C2CD3: variants seen among roughly 807,000 people sequenced by gnomAD.
C2CD3 encodes C2 domain-containing protein 3.
Under a neutral mutation model 234.0 loss-of-function variants are expected in C2CD3, and 148 were observed. That is an observed-to-expected ratio of 0.63 (90% CI 0.55 to 0.72). The LOEUF is 0.72. Ranked by LOEUF, C2CD3 falls within the 30% of genes least tolerant of loss-of-function variation. The pLI, the probability that C2CD3 is intolerant of heterozygous loss-of-function variation, is 0.00. For synonymous variants in C2CD3, 1,000 were observed against 1,035.4 expected, an observed-to-expected ratio of 0.97 and a Z score of 0.66; for missense variants, 2,577 against 2,811.5, an observed-to-expected ratio of 0.92 and a Z score of 1.89.
intron 28 of C2CD3, among the ~76,000 whole-genome samples, chr11:74,046,165 C>T (rs909881869): frequency 6.7e-6 from 1 of 148,324 alleles, no homozygotes; most frequent in Admixed American, 6.6e-5. Flanking sequence ...TAAACCATTA[C>T]CATGAAATAA....
At chr11:74,042,579 C>G (rs927809550) in intron 28 of C2CD3, among the ~76,000 whole-genome samples, 1 of 151,956 alleles carries the variant, frequency 6.6e-6, no homozygotes, top group Non-Finnish European at 1.5e-5. Context: ...ATGGCGAAAC[C>G]CTGTCCCTAC....
At chr11:74,082,590 T>C (rs766768265) in intron 22 of C2CD3, among the ~76,000 whole-genome samples, 14 of 152,220 alleles carry the variant, frequency 9.2e-5, no homozygotes, top group Non-Finnish European at 1.5e-4. Context: ...ATTATGTTTA[T>C]TGATTTGCAT....
chr11:74,161,508 G>T lies in C2CD3; in HGVS notation c.374C>A (p.Pro125Gln). The T allele has an allele frequency of 1.3e-6, 2 of 1,592,624 alleles. No individual in the cohort carries two copies. Among genetic ancestry groups the T allele is most frequent in the Non-Finnish European group, 1.7e-6 (2 of 1,168,902 alleles). The change falls in exon 3 of 33, where the codon CCA becomes CAA. Residue 125 changes from proline to glutamine, a missense_variant. Transcript: ENST00000334126. ...TCCATTGATCTGAACTCTACCAATT[G>T]GAAGACCATCAAGTTTGGTGATTAC... ...LEVITKLDGL[P>Q]IGRVQINGLA...
intron 3 of C2CD3, among the ~76,000 whole-genome samples, chr11:74,159,000 G>A (rs1790408): frequency 0.04 from 6,048 of 152,186 alleles, 403 homozygotes; most frequent in African/African-American, 0.14. Flanking sequence ...CTCACTACTT[G>A]CTTTATAGTC....
intron 2 of C2CD3, 100 bp from the exon 3 acceptor site, chr11:74,161,656 GA>G (rs147282233): frequency 8.8e-5 from 57 of 650,022 alleles, no homozygotes; most frequent in South Asian, 1.9e-4. Context: ...TTTCTAACTT[GA>G]AAAAAAATAT....
chr11:74,065,243 AGT>A lies in C2CD3; in HGVS notation c.4952-7701_4952-7700del, dbSNP rs1954458645. ...AAAAAATCAAACAACCCCATCAAAA[AGT>A]GGGCAAAGGATATGAACAGACACTT... is the stretch of plus-strand genomic sequence containing the variant. On this transcript the variant is annotated intron_variant, in intron 24 of 32. Transcript: ENST00000334126. 2.0e-5 allele frequency among the ~76,000 whole-genome samples: 3 copies of A among 152,210 alleles called. No individual in the cohort carries two copies. In the South Asian group the frequency reaches 6.2e-4, roughly 31 times the overall value.
intron 11 of C2CD3, among the ~76,000 whole-genome samples, chr11:74,109,706 T>C (rs1956671049): frequency 6.6e-6 from 1 of 152,120 alleles, no homozygotes; most frequent in African/African-American, 2.4e-5. Flanking sequence ...GCTATAACTA[T>C]AAGTGTAAGT....
chr11:74,042,970 C>T (rs1407527847), intron 28 of C2CD3, among the ~76,000 whole-genome samples: 1 of 152,112 alleles, frequency 6.6e-6, no homozygotes, highest in Non-Finnish European at 1.5e-5. Flanking sequence ...ATCATGACTC[C>T]AACAATCTCT....
At chr11:74,151,024 C>T (rs1337604870) in intron 3 of C2CD3, among the ~76,000 whole-genome samples, 1 of 151,928 alleles carries the variant, frequency 6.6e-6, no homozygotes, top group East Asian at 1.9e-4. Flanking sequence ...CTCCTGGCTT[C>T]AAGCGATTCT....
chr11:74,160,640 C>T (rs114858673), intron 3 of C2CD3, among the ~76,000 whole-genome samples: 22 of 152,006 alleles, frequency 1.4e-4, no homozygotes, highest in Middle Eastern at 3.4e-3. Flanking sequence ...ACTATCGTAC[C>T]GTTAGGAGGA....
intron 32 of C2CD3, among the ~76,000 whole-genome samples, chr11:74,018,855 G>A (rs529298345): frequency 7.9e-5 from 12 of 152,224 alleles, no homozygotes; most frequent in African/African-American, 2.6e-4. Flanking sequence ...CACCCTCCAT[G>A]CCTAAATTAG....
At chr11:74,104,355 T>C (rs868687904) in intron 13 of C2CD3, among the ~76,000 whole-genome samples, 6 of 152,198 alleles carry the variant, frequency 3.9e-5, no homozygotes, top group Non-Finnish European at 8.8e-5. Flanking sequence ...GCAGATATAG[T>C]ATCAATGCTA....
chr11:74,019,053 T>G (rs1951983289), intron 32 of C2CD3, among the ~76,000 whole-genome samples: 3 of 151,952 alleles, frequency 2.0e-5, no homozygotes, highest in Admixed American at 2.0e-4. Context: ...TCCTCAACCC[T>G]TTTTTTTGTT....
At chr11:74,113,734 C>T (rs765139060) in intron 11 of C2CD3, 46 bp downstream of exon 11, 2 of 1,090,664 alleles carry the variant, frequency 1.8e-6, no homozygotes, top group South Asian at 1.2e-5. Flanking sequence ...AAAAATTCTT[C>T]CAAAGTCAGA....
intron 24 of C2CD3, among the ~76,000 whole-genome samples, chr11:74,072,315 G>A (rs1423516364): frequency 6.6e-6 from 1 of 152,216 alleles, no homozygotes; most frequent in African/African-American, 2.4e-5. Flanking sequence ...AGTAATGGCT[G>A]TTGGTAGTAT....
At chr11:74,042,766 C>T (rs912631363) in intron 28 of C2CD3, among the ~76,000 whole-genome samples, 1 of 150,230 alleles carries the variant, frequency 6.7e-6, no homozygotes, top group Non-Finnish European at 1.5e-5. Flanking sequence ...AAAAAAAAAG[C>T]CCCCCAAAAC....
intron 24 of C2CD3, among the ~76,000 whole-genome samples, chr11:74,071,039 A>G (rs1468194568): frequency 1.3e-5 from 2 of 152,056 alleles, no homozygotes; most frequent in Non-Finnish European, 2.9e-5. Context: ...CCACCTCCCC[A>G]CAGCTTTCCT....
intron 32 of C2CD3, among the ~76,000 whole-genome samples, chr11:74,027,815 G>C (rs1952364906): frequency 1.3e-5 from 2 of 152,200 alleles, no homozygotes; most frequent in South Asian, 4.1e-4. Context: ...GAGGAGATGT[G>C]GGATTTGTAC....
chr11:74,041,955 C>A, intron 29 of C2CD3, 99 bp downstream of exon 29: 1 of 1,182,002 alleles, frequency 8.5e-7, no homozygotes. Context: ...GTTCCTAGGG[C>A]GGTGGCAGGT....
Sources: gnomAD v4.1 joint callset for allele counts (sites outside exome capture counted in the v4.1 genomes callset) on GRCh38, gnomAD v4.1.1 for gene constraint, MANE v1.5 for transcripts, NCBI Gene and HGNC (gene_info 2026-07-23, HGNC 2026-07-21) for gene names.